Variants in SLC43A2 observed in about 807,000 individuals in gnomAD.
The protein encoded by SLC43A2 is solute carrier family 43 member 2, also known as large neutral amino acids transporter small subunit 4.
A neutral mutation model predicts 63.2 loss-of-function variants in SLC43A2; 38 were observed. That is an observed-to-expected ratio of 0.60 (90% CI 0.46 to 0.79). The LOEUF is 0.79. Among genes scored for constraint, SLC43A2 ranks in the 30% least tolerant of loss-of-function variants. SLC43A2 has a pLI of 0.00. For missense variants in SLC43A2, 644 were observed against 756.2 expected (o/e 0.85, Z 1.74); for synonymous variants, 322 against 331.0 (o/e 0.97, Z 0.30).
At chr17:1,618,957 G>A (rs2151078144) in intron 2 of SLC43A2, among the ~76,000 whole-genome samples, 1 of 152,216 alleles carries the variant, frequency 6.6e-6, no homozygotes, top group East Asian at 1.9e-4. Context: ...CTGCACTCCA[G>A]CCTGGGCAAA....
chr17:1,615,802 C>CCA (rs1277619861), intron 3 of SLC43A2, among the ~76,000 whole-genome samples: 2 of 147,226 alleles, frequency 1.4e-5, no homozygotes. Context: ...GAGATCGCGC[C>CCA]GCTGCACTCT....
At chr17:1,588,697 CAAAAAA>C (rs35780448) in intron 9 of SLC43A2, among the ~76,000 whole-genome samples, 5 of 89,168 alleles carry the variant, frequency 5.6e-5, no homozygotes, top group Admixed American at 1.2e-4. Context: ...GACCCCAACT[CAAAAAA>C]AAAAAAAAAA....
In SLC43A2 at chr17:1,575,614, G is replaced by T; in HGVS notation, c.1700C>A (p.Ala567Asp). Residue 567 changes from alanine to aspartate, a missense_variant, in exon 14 of 14, where the codon GCC (alanine) becomes GAC (aspartate). By Grantham distance (126) the Ala-to-Asp change is moderately radical (BLOSUM62 -2). This residue lies in a region of SLC43A2 where 105 missense variants were observed against 101.7 expected (regional missense o/e 1.03). Transcript: ENST00000301335. Reference protein sequence around the residue: ...LKINGSSNQEAFV With the variant: ...LKINGSSNQEDFV The stretch of plus-strand genomic sequence containing the variant: ...CCGAGGCGGCAGCCACTACACGAAG[G>T]CCTCCTGGTTGGACGAGCCGTTGAT... 2 of 1,614,032 alleles carry T rather than the reference G, an allele frequency of 1.2e-6. No homozygotes were observed. Among genetic ancestry groups the T allele is most frequent in the Non-Finnish European group, 1.7e-6 (2 of 1,179,990 alleles).
intron 6 of SLC43A2, 40 bp from the exon 7 acceptor site, chr17:1,591,739 G>GGGGGGC: frequency 4.9e-5 from 25 of 512,276 alleles, no homozygotes; most frequent in Non-Finnish European, 7.4e-5. Flanking sequence ...GGGGGAGGGG[G>GGGGGGC]CAGAGTTAGC....
Position 1,605,933 on chromosome 17 carries a change from C to T in SLC43A2, c.501+7262G>A, listed in dbSNP as rs931336226. ...CGGCCGGGTCCAGTCCTGCCAATAC[C>T]GCTGCCCTTTCCGTCTGAACGTGGT... On this transcript the variant is annotated intron_variant, in intron 5 of 13. Coordinates refer to ENST00000301335, the MANE Select transcript of SLC43A2 (RefSeq NM_152346.3). The surrounding 1 kb of genome is among the most constrained non-coding windows in gnomAD (Gnocchi z 4.9). Among the ~76,000 whole-genome samples, 4 of 152,184 alleles carry T rather than the reference C, an allele frequency of 2.6e-5. No individual in the cohort carries two copies. Among genetic ancestry groups the T allele is most frequent in the African/African-American group, 9.7e-5 (4 of 41,448 alleles).
intron 5 of SLC43A2, among the ~76,000 whole-genome samples, chr17:1,600,153 T>TATATATATATATATATATA (rs1491178977): frequency 1.0e-4 from 4 of 38,258 alleles, no homozygotes; most frequent in African/African-American, 1.7e-4. Context: ...TATATATATA[T>TATATATATATATATATATA]TTTTTTTTTT....
At chr17:1,587,981 T>C (rs1306571050) in intron 9 of SLC43A2, among the ~76,000 whole-genome samples, 1 of 152,178 alleles carries the variant, frequency 6.6e-6, no homozygotes, top group Non-Finnish European at 1.5e-5. Flanking sequence ...TGTTTCTCAA[T>C]GCCTGCTTCT....
rs2076047642 is a variant in SLC43A2 at position 1,583,214 on chromosome 17, A to C, written c.1340T>G (p.Leu447Arg). 1 of 1,613,884 alleles carries C rather than the reference A, an allele frequency of 6.2e-7. No homozygotes were observed. Among genetic ancestry groups the C allele is most frequent in the Non-Finnish European group, 8.5e-7 (1 of 1,179,958 alleles). Residue 447 changes from leucine to arginine, a missense_variant, in exon 11 of 14, where the codon CTG becomes CGG. Transcript: ENST00000301335. The surrounding 1 kb of genome is among the most constrained non-coding windows in gnomAD (Gnocchi z 5.5). The part of the protein sequence containing the change: ...GFGVTCLIPN[L>R]PLQILSFILH... ...ACTCCCCACACCCACCTGGAGAGGC[A>C]GGTTGGGAATGAGGCAGGTCACCCC...
chr17:1,573,941 T>C lies in SLC43A2; in HGVS notation c.*1663A>G, dbSNP rs1053845875. On this transcript the variant is annotated 3_prime_UTR_variant, in exon 14 of 14. Coordinates refer to ENST00000301335, the MANE Select transcript of SLC43A2 (RefSeq NM_152346.3). ...TCTTTTTTTAAATATTTGAGTGAAA[T>C]AAAGCCTAGGAGATATGTGTTCCAG... The C allele has an allele frequency of 2.0e-5, 3 of 152,134 alleles. No homozygotes were observed. The highest frequency in any genetic ancestry group is 4.4e-5 in the Non-Finnish European group (3 of 68,048). The allele number at this position is 152,134 out of a possible 1,614,324, so 9.4% of individuals were successfully genotyped here.
chr17:1,586,928 T>TGGCCCCAACCC, intron 9 of SLC43A2: 1 of 1,232,916 alleles, frequency 8.1e-7, no homozygotes, highest in Non-Finnish European at 1.1e-6. Context: ...TCCCTGACAA[T>TGGCCCCAACCC]CCCCCCCACC....
intron 3 of SLC43A2, among the ~76,000 whole-genome samples, chr17:1,615,438 T>TTA (rs772192842): frequency 3.2e-4 from 49 of 151,828 alleles, no homozygotes; most frequent in Non-Finnish European, 6.3e-4. Context: ...TGTATATGTA[T>TTA]TATAAAGCAC....
intron 9 of SLC43A2, among the ~76,000 whole-genome samples, chr17:1,590,407 G>A (rs2151043328): frequency 6.6e-6 from 1 of 152,220 alleles, no homozygotes; most frequent in South Asian, 2.1e-4. Context: ...TGCCCAGGGT[G>A]TCCACGCACC....
intron 13 of SLC43A2, among the ~76,000 whole-genome samples, chr17:1,576,002 T>C (rs1386660912): frequency 1.3e-5 from 2 of 151,890 alleles, no homozygotes; most frequent in Non-Finnish European, 2.9e-5. Flanking sequence ...ACCTCTGGGC[T>C]TGGAACAAGT....
intron 9 of SLC43A2, among the ~76,000 whole-genome samples, chr17:1,589,785 A>T (rs1904578042): frequency 6.6e-6 from 1 of 151,942 alleles, no homozygotes. Flanking sequence ...CGCCTGGCTA[A>T]TTTTTTGTAT....
intron 11 of SLC43A2, among the ~76,000 whole-genome samples, chr17:1,581,941 G>A (rs907598874): frequency 6.6e-6 from 1 of 151,718 alleles, no homozygotes; most frequent in Admixed American, 6.6e-5. Flanking sequence ...TGAGTAGCTG[G>A]GATTACAGGC....
At chr17:1,585,842 G>A (rs1424988959) in intron 10 of SLC43A2, 71 bp downstream of exon 10, 1 of 1,609,620 alleles carries the variant, frequency 6.2e-7, no homozygotes, top group South Asian at 1.1e-5. Flanking sequence ...CCCTGTGCCT[G>A]ACATGCAGCT....
At chr17:1,604,896 A>C in intron 5 of SLC43A2, 4 of 1,534,344 alleles carry the variant, frequency 2.6e-6, no homozygotes, top group Non-Finnish European at 3.5e-6. Flanking sequence ...CCCTGCCTCC[A>C]CCGGTCTCAG....
intron 9 of SLC43A2, among the ~76,000 whole-genome samples, chr17:1,589,909 G>A (rs1450756286): frequency 1.3e-5 from 2 of 152,164 alleles, no homozygotes; most frequent in East Asian, 1.9e-4. Flanking sequence ...GTGAGCCACC[G>A]TGCCTGGCCT....
intron 11 of SLC43A2, among the ~76,000 whole-genome samples, chr17:1,581,222 G>GCA (rs1013967085): frequency 8.7e-6 from 1 of 115,344 alleles, no homozygotes; most frequent in Non-Finnish European, 1.9e-5. Context: ...ACACACACAC[G>GCA]CACGCTGTGC....
Sources: allele counts gnomAD v4.1 joint callset (sites outside exome capture counted in the v4.1 genomes callset), GRCh38; gene constraint gnomAD v4.1.1; regional missense constraint gnomAD v4.1.1; non-coding constraint Gnocchi (gnomAD v3.1); transcripts MANE v1.5; gene names NCBI Gene and HGNC (gene_info 2026-07-23, HGNC 2026-07-21).